HCK: variants seen among roughly 807,000 people sequenced by gnomAD.
HCK encodes HCK proto-oncogene, Src family tyrosine kinase.
In HCK, 40 loss-of-function variants were observed where a neutral mutation model predicts 70.4. The ratio of observed to expected loss-of-function variants is 0.57; its 90% confidence interval spans 0.44 to 0.74. The LOEUF (loss-of-function observed/expected upper bound fraction) is 0.74, where lower values mean the gene tolerates loss of function less well. Ranked by LOEUF, HCK falls within the 30% of genes least tolerant of loss-of-function variation. The pLI, the probability that HCK is intolerant of heterozygous loss-of-function variation, is 0.00. For synonymous variants in HCK, 245 were observed against 263.2 expected (o/e 0.93, Z 0.67); for missense variants, 568 against 697.2 (o/e 0.81, Z 2.09).
intron 2 of HCK, 75 bp from the exon 3 acceptor site, chr20:32,073,244 C>T: frequency 7.8e-7 from 1 of 1,283,702 alleles, no homozygotes; most frequent in South Asian, 1.2e-5. Context: ...CTTGGGTGTC[C>T]TTCTCAACAC....
In HCK at chr20:32,052,494, C is replaced by A. The variant is rs768268733; in HGVS notation, c.62+8C>A. 29 of 1,264,654 alleles carry A rather than the reference C, an allele frequency of 2.3e-5. 1 individual carries two copies. The South Asian group carries it at 9.0e-4, about 39-fold the overall frequency. 78.3% of individuals were successfully genotyped at this position (1,264,654 alleles called of 1,614,324 possible). ...CGAGGAGCGGGCGCCCAGGTGAGTGCCGCGCACAGGGGACCGGGAATACCC... is the reference window on the plus strand; with the variant it reads ...CGAGGAGCGGGCGCCCAGGTGAGTGACGCGCACAGGGGACCGGGAATACCC... On this transcript the variant is annotated splice_region_variant and intron_variant, in intron 1 of 12. Transcript: ENST00000375852.
chr20:32,071,989 C>G, intron 2 of HCK: 1 of 612,918 alleles, frequency 1.6e-6, no homozygotes, highest in Non-Finnish European at 2.7e-6. Context: ...CTCTTTCCTG[C>G]AGCCCAGGCT....
At chr20:32,094,074 G>A in intron 11 of HCK, 58 bp downstream of exon 11, 2 of 1,530,672 alleles carry the variant, frequency 1.3e-6, no homozygotes, top group Non-Finnish European at 1.8e-6. Context: ...TGAGTGTTGA[G>A]AGTTGATACT....
intron 11 of HCK, among the ~76,000 whole-genome samples, chr20:32,096,907 A>G (rs1255360672): frequency 2.0e-5 from 3 of 150,398 alleles, no homozygotes; most frequent in Non-Finnish European, 4.4e-5. Context: ...TTACAAGGGT[A>G]TATATATATA....
intron 11 of HCK, among the ~76,000 whole-genome samples, chr20:32,096,033 G>A (rs1334062020): frequency 6.6e-6 from 1 of 151,778 alleles, no homozygotes; most frequent in East Asian, 2.0e-4. Flanking sequence ...GGGATTACAA[G>A]CATGTGCCAT....
At chr20:32,095,857 ATATTTATTTATTTATT>A (rs142126874) in intron 11 of HCK, among the ~76,000 whole-genome samples, 63,388 of 147,064 alleles carry the variant, frequency 0.43, 15,634 homozygotes, top group African/African-American at 0.69. Context: ...TGTTAGCCTA[ATATTTATTTATTTATT>A]TATTTATTTA....
chr20:32,055,862 C>T (rs573804312), intron 1 of HCK, among the ~76,000 whole-genome samples: 5 of 152,310 alleles, frequency 3.3e-5, no homozygotes, highest in Admixed American at 3.3e-4. Flanking sequence ...AACCACCAAT[C>T]TGCTTTTTGC....
At chr20:32,064,688 A>T (rs935166184) in intron 1 of HCK, among the ~76,000 whole-genome samples, 1 of 152,180 alleles carries the variant, frequency 6.6e-6, no homozygotes, top group Admixed American at 6.5e-5. Context: ...TCTCCAGCCC[A>T]CTGGATGGAT....
chr20:32,069,261 G>T (rs1427930455), intron 1 of HCK, among the ~76,000 whole-genome samples: 2 of 152,172 alleles, frequency 1.3e-5, no homozygotes, highest in African/African-American at 4.8e-5. Context: ...ATGAACACAG[G>T]TCTTCTGAGA....
intron 1 of HCK, among the ~76,000 whole-genome samples, chr20:32,071,133 C>A (rs1183777960): frequency 6.6e-6 from 1 of 152,150 alleles, no homozygotes; most frequent in African/African-American, 2.4e-5. Context: ...GATAATACTG[C>A]AGTTTTTCTG....
chr20:32,052,760 G>A (rs1271795554), intron 1 of HCK, among the ~76,000 whole-genome samples: 2 of 149,016 alleles, frequency 1.3e-5, no homozygotes, highest in Non-Finnish European at 3.0e-5. Context: ...CCACTTCTCT[G>A]GGCCGTCCAG....
rs2227967 is a variant in HCK, at chr20:32,073,771, C to G, written c.282C>G (p.His94Gln). Residue 94 changes from histidine (H) to glutamine (Q), a missense_variant, in exon 4 of 13, where the codon CAC (histidine) becomes CAG (glutamine). His to Gln is a conservative substitution (Grantham distance 24, BLOSUM62 0). Transcript: ENST00000375852. ...TGTATGATTACGAGGCCATTCACCA[C>G]GAAGACCTCAGCTTCCAGAAGGGGG... is the stretch of plus-strand genomic sequence containing the variant. The G allele has an allele frequency of 4.7e-5, 73 of 1,556,348 alleles. No individual in the cohort carries two copies. Among genetic ancestry groups the G allele is most frequent in the Non-Finnish European group, 6.3e-5 (72 of 1,149,166 alleles).
At chr20:32,086,532 C>A in intron 8 of HCK, 96 bp from the exon 9 acceptor site, 1 of 1,013,376 alleles carries the variant, frequency 9.9e-7, no homozygotes, top group Non-Finnish European at 1.4e-6. Flanking sequence ...GCAGGAAAGA[C>A]TTTCTGGAGG....
intron 12 of HCK, among the ~76,000 whole-genome samples, chr20:32,101,000 A>G (rs901689799): frequency 2.6e-5 from 4 of 152,204 alleles, no homozygotes; most frequent in Non-Finnish European, 4.4e-5. Context: ...TCCAAGTATC[A>G]TAAGTATCTC....
chr20:32,059,428 TCTTTTTTC>T (rs1203036545), intron 1 of HCK, among the ~76,000 whole-genome samples: 1 of 150,202 alleles, frequency 6.7e-6, no homozygotes, highest in African/African-American at 2.5e-5. Flanking sequence ...TCTCTTTCTT[TCTTTTTTC>T]TTTCTTTCTT....
chr20:32,074,029 G>C (rs1005315409), intron 4 of HCK, among the ~76,000 whole-genome samples: 1 of 152,232 alleles, frequency 6.6e-6, no homozygotes, highest in African/African-American at 2.4e-5. Flanking sequence ...CGTCCAGCCT[G>C]AGATGAACAG....
At chr20:32,055,384 AC>A (rs1325003912) in intron 1 of HCK, among the ~76,000 whole-genome samples, 1 of 152,172 alleles carries the variant, frequency 6.6e-6, no homozygotes, top group African/African-American at 2.4e-5. Context: ...GGAAGCATGA[AC>A]CTTTTGAGGG....
At chr20:32,063,295 C>G (rs993197988) in intron 1 of HCK, among the ~76,000 whole-genome samples, 20 of 152,176 alleles carry the variant, frequency 1.3e-4, no homozygotes, top group African/African-American at 4.6e-4. Flanking sequence ...CTCTGTAACC[C>G]AGGCTGGAGT....
chr20:32,079,062 T>C (rs1319744546), intron 5 of HCK, among the ~76,000 whole-genome samples: 1 of 152,132 alleles, frequency 6.6e-6, no homozygotes, highest in East Asian at 1.9e-4. Context: ...CTGGGGCTTT[T>C]TTCCAACTGC....
Sources: allele counts gnomAD v4.1 joint callset (sites outside exome capture counted in the v4.1 genomes callset), GRCh38; gene constraint gnomAD v4.1.1; transcripts MANE v1.5; gene names NCBI Gene and HGNC (gene_info 2026-07-23, HGNC 2026-07-21).